The following SUSD1 variants were observed in gnomAD, a reference collection of about 807,000 sequenced individuals.
The protein encoded by SUSD1 is sushi domain containing 1.
Under a neutral mutation model 86.9 loss-of-function variants are expected in SUSD1, and 65 were observed. That is an observed-to-expected ratio of 0.75 (90% CI 0.61 to 0.92). The LOEUF is 0.92. SUSD1 is among the 40% of genes least tolerant of loss of function. The probability of loss-of-function intolerance (pLI) is 0.00; values close to 1 mark genes in which losing one functional copy is unlikely to be tolerated. For synonymous variants in SUSD1, 346 were observed against 350.0 expected (o/e 0.99, Z 0.13); for missense variants, 850 against 929.7 (o/e 0.91, Z 1.11).
intron 4 of SUSD1, chr9:112,142,709 C>T: frequency 2.1e-6 from 1 of 481,324 alleles, no homozygotes; most frequent in East Asian, 3.5e-5. Context: ...AGCATCTATA[C>T]ATGCACAAAG....
At position 112,165,407 on chromosome 9, in the gene SUSD1, C is replaced by CTTTTTTTTTT. The variant is rs34075174; in HGVS notation, c.104-7804_104-7795dup. 2.5e-5 allele frequency among the ~76,000 whole-genome samples: 3 copies of CTTTTTTTTTT among 119,450 alleles called. 1 individual carries two copies. Among genetic ancestry groups the CTTTTTTTTTT allele is most frequent in the Non-Finnish European group, 5.0e-5 (3 of 59,660 alleles). 78.4% of individuals were successfully genotyped at this position (119,450 alleles called of 152,430 possible). A position where few individuals can be genotyped will look rare whatever the true frequency, so the allele number is the denominator to read the frequency against. On this transcript the variant is annotated intron_variant, in intron 1 of 16. Coordinates refer to ENST00000374270, the MANE Select transcript of SUSD1 (RefSeq NM_022486.5). ...GCTATCAAATACTAGGTCTTTGACA[C>CTTTTTTTTTT]TTTTTTTTTTTTTTTTTTTTGAGAC...
intron 6 of SUSD1, among the ~76,000 whole-genome samples, chr9:112,114,794 G>A (rs950538457): frequency 2.6e-5 from 4 of 152,164 alleles, no homozygotes; most frequent in South Asian, 2.1e-4. Context: ...ATCCTGTGGG[G>A]ACAGGAGCTG....
intron 15 of SUSD1, among the ~76,000 whole-genome samples, chr9:112,048,888 A>G (rs749690960): frequency 6.6e-6 from 1 of 152,264 alleles, no homozygotes; most frequent in Non-Finnish European, 1.5e-5. Context: ...GGCCATAGCC[A>G]GAAAACAGCT....
intron 9 of SUSD1, among the ~76,000 whole-genome samples, chr9:112,101,089 C>T (rs142836677): frequency 3.4e-4 from 51 of 151,048 alleles, no homozygotes; most frequent in African/African-American, 8.7e-4. Context: ...GGCCTGGGCG[C>T]GGTGGCTCAC....
At chr9:112,167,366 G>A (rs1031411836) in intron 1 of SUSD1, among the ~76,000 whole-genome samples, 6 of 152,126 alleles carry the variant, frequency 3.9e-5, no homozygotes, top group Non-Finnish European at 5.9e-5. Flanking sequence ...GTCTCCCAAA[G>A]TGCTGGGATC....
In SUSD1 at chr9:112,041,099, T is replaced by C. The variant is rs1046480894; in HGVS notation, c.*393A>G. 9.6e-6 allele frequency: 3 copies of C among 313,838 alleles called. No individual in the cohort carries two copies. The highest frequency in any genetic ancestry group is 4.2e-5 in the African/African-American group (2 of 47,874). 19.4% of individuals were successfully genotyped at this position (313,838 alleles called of 1,614,324 possible). A position where few individuals can be genotyped will look rare whatever the true frequency, so the allele number is the denominator to read the frequency against. On this transcript the variant is annotated 3_prime_UTR_variant, in exon 17 of 17. Coordinates refer to ENST00000374270, the MANE Select transcript of SUSD1 (RefSeq NM_022486.5). ...CTGAATGAATTAACAGAAATGCTTT[T>C]ATATAGGAGGTTGCAGAGATTCTCT... is the stretch of plus-strand genomic sequence containing the variant.
intron 9 of SUSD1, among the ~76,000 whole-genome samples, chr9:112,100,209 C>T (rs993336785): frequency 2.6e-5 from 4 of 152,170 alleles, no homozygotes; most frequent in Admixed American, 6.5e-5. Flanking sequence ...TTTTTTTAGA[C>T]GGAGTCTTGC....
At chr9:112,059,552 G>A (rs1248305572) in intron 13 of SUSD1, among the ~76,000 whole-genome samples, 3 of 152,152 alleles carry the variant, frequency 2.0e-5, no homozygotes, top group Non-Finnish European at 2.9e-5. Context: ...TAAATGAGAC[G>A]CCAAGAGTGC....
rs565495744 is a variant in SUSD1, at chr9:112,083,523, C to A, written c.1475-3358G>T. Among the ~76,000 whole-genome samples the A allele has an allele frequency of 2.0e-5, 3 of 152,316 alleles. No individual in the cohort carries two copies. In the East Asian group the frequency reaches 5.8e-4, roughly 29 times the overall value. On this transcript the variant is annotated intron_variant, in intron 10 of 16. Coordinates refer to ENST00000374270, the MANE Select transcript of SUSD1 (RefSeq NM_022486.5). ...AATTACAGGTGTGAGCCACCGCCCC[C>A]AGCCACCACAATTATTTTCTTATCT...
intron 1 of SUSD1, among the ~76,000 whole-genome samples, chr9:112,170,704 T>G (rs1471504082): frequency 2.1e-4 from 19 of 91,458 alleles, no homozygotes; most frequent in African/African-American, 9.4e-4. Flanking sequence ...TATATATATA[T>G]ATATATAGAG....
intron 13 of SUSD1, among the ~76,000 whole-genome samples, chr9:112,062,416 C>T (rs560754818): frequency 1.2e-4 from 19 of 152,078 alleles, no homozygotes; most frequent in Non-Finnish European, 2.2e-4. Context: ...TCTATGTGGC[C>T]GGGTGTGGTG....
intron 1 of SUSD1, among the ~76,000 whole-genome samples, chr9:112,159,711 A>C (rs928475251): frequency 6.6e-6 from 1 of 152,230 alleles, no homozygotes; most frequent in African/African-American, 2.4e-5. Context: ...ACTAGGTATA[A>C]AAACATATTT....
chr9:112,041,918 C>T lies in SUSD1; in HGVS notation c.2192G>A (p.Gly731Asp). ...MLLQMAGVGL[G>D]SLAVVIILTF... ...GAGAATGATCACAACAGCCAGGGAA[C>T]CCAGTCCAACACCCGCCATCTGCAG... is the stretch of plus-strand genomic sequence containing the variant. The change falls in exon 16 of 17, where the codon GGT becomes GAT. Residue 731 changes from glycine to aspartate, a missense_variant. By Grantham distance (94) the Gly-to-Asp change is moderately conservative. Transcript: ENST00000374270. 1.2e-6 allele frequency: 2 copies of T among 1,614,064 alleles called. No individual in the cohort carries two copies. The highest frequency in any genetic ancestry group is 1.3e-5 in the African/African-American group (1 of 75,042).
intron 5 of SUSD1, among the ~76,000 whole-genome samples, chr9:112,131,012 C>T (rs1016421803): frequency 2.6e-5 from 4 of 152,094 alleles, no homozygotes; most frequent in African/African-American, 9.7e-5. Context: ...GACAGAGACC[C>T]TGTCCCAAAA....
chr9:112,134,275 G>A (rs868579594), intron 5 of SUSD1, among the ~76,000 whole-genome samples: 1 of 152,216 alleles, frequency 6.6e-6, no homozygotes, highest in African/African-American at 2.4e-5. Context: ...TATGTTCATC[G>A]CTGCACTATT....
At chr9:112,157,220 C>T (rs1589741710) in intron 2 of SUSD1, among the ~76,000 whole-genome samples, 1 of 152,254 alleles carries the variant, frequency 6.6e-6, no homozygotes, top group Non-Finnish European at 1.5e-5. Flanking sequence ...TGAAGTTAAA[C>T]TTAAGACTTG....
In SUSD1 at chr9:112,058,754, A is replaced by C. The variant is rs945712799; in HGVS notation, c.1851-68T>G. On this transcript the variant is annotated intron_variant, in intron 13 of 16. Coordinates refer to ENST00000374270, the MANE Select transcript of SUSD1 (RefSeq NM_022486.5). ...GGAGTTCATTCATTCATTCATATTTATTGAGCACCTGCTATGAGACAAACC... is the reference window on the plus strand; with the variant it reads ...GGAGTTCATTCATTCATTCATATTTCTTGAGCACCTGCTATGAGACAAACC... 2.4e-5 allele frequency: 38 copies of C among 1,563,936 alleles called. No homozygotes were observed. The African/African-American group carries it at 4.9e-4, about 20-fold the overall frequency.
intron 14 of SUSD1, among the ~76,000 whole-genome samples, chr9:112,057,801 C>T (rs988281601): frequency 1.1e-4 from 17 of 152,154 alleles, no homozygotes; most frequent in African/African-American, 3.9e-4. Flanking sequence ...TCATTACTGG[C>T]CCATATGAAT....
Position 112,127,182 on chromosome 9 carries a change from G to C in SUSD1, c.707-2746C>G, listed in dbSNP as rs145206759. 9.8e-3 allele frequency among the ~76,000 whole-genome samples: 1,494 copies of C among 152,212 alleles called. 53 individuals carry two copies. The highest frequency in any genetic ancestry group is 0.071 in the Admixed American group (1,083 of 15,278). On this transcript the variant is annotated intron_variant, in intron 5 of 16. Transcript: ENST00000374270. Reference sequence around the variant, plus strand: ...AGACCAGGAGTTTGAGACCAGCCTGGCCAACATGGCAAAACCCCATCTCTA... The same window carrying C: ...AGACCAGGAGTTTGAGACCAGCCTGCCCAACATGGCAAAACCCCATCTCTA...
Sources: allele counts gnomAD v4.1 joint callset (sites outside exome capture counted in the v4.1 genomes callset), GRCh38; gene constraint gnomAD v4.1.1; transcripts MANE v1.5; gene names NCBI Gene and HGNC (gene_info 2026-07-23, HGNC 2026-07-21).